SMAGP: variants seen among roughly 807,000 people sequenced by gnomAD.
SMAGP encodes the protein small cell adhesion glycoprotein, also known as small cell transmembrane and glycosylated protein.
Under a neutral mutation model 10.1 loss-of-function variants are expected in SMAGP, and 7 were observed. That is an observed-to-expected ratio of 0.70 (90% CI 0.40 to 1.31). The LOEUF (loss-of-function observed/expected upper bound fraction) is 1.31. Among genes scored for constraint, SMAGP ranks in the 50% most tolerant of loss-of-function variants. The pLI is 0.01. For missense variants in SMAGP, 113 were observed against 116.5 expected (o/e 0.97, Z 0.14); for synonymous variants, 49 against 47.2 (o/e 1.04, Z -0.16).
Position 51,246,704 on chromosome 12 carries a change from T to G in SMAGP, c.115+47A>C. The stretch of plus-strand genomic sequence containing the variant: ...TGGTCAGGCTCCCTCTGGAGAGAGA[T>G]GCCCTTGATCCAGAAGGTCCCTTGG... On this transcript the variant is annotated intron_variant, in intron 3 of 3. Coordinates refer to ENST00000603798, the MANE Select transcript of SMAGP (RefSeq NM_001031628.2). The G allele has an allele frequency of 2.1e-6, 3 of 1,436,746 alleles. No homozygotes were observed. In the South Asian group the frequency reaches 4.2e-5, roughly 20 times the overall value. 89.0% of individuals were successfully genotyped at this position (1,436,746 alleles called of 1,614,324 possible).
chr12:51,248,686 T>A (rs1944808371), intron 2 of SMAGP, among the ~76,000 whole-genome samples: 2 of 152,032 alleles, frequency 1.3e-5, no homozygotes, highest in Admixed American at 1.3e-4. Context: ...AGAGGGAGAA[T>A]TTGGGAAGGG....
intron 1 of SMAGP, 111 bp downstream of exon 1, chr12:51,270,145 G>A (rs1017196451): frequency 1.3e-5 from 2 of 152,216 alleles, no homozygotes; most frequent in Non-Finnish European, 2.9e-5. Flanking sequence ...TGCCCCAGCG[G>A]AGCGCTGAGC....
chr12:51,248,918 A>C (rs986916371), intron 2 of SMAGP, among the ~76,000 whole-genome samples: 3 of 146,682 alleles, frequency 2.0e-5, no homozygotes, highest in Admixed American at 6.7e-5. Context: ...AAAAAAAAAA[A>C]AAAAAAAAAA....
At chr12:51,256,361 G>C (rs956593523) in intron 2 of SMAGP, among the ~76,000 whole-genome samples, 2 of 152,140 alleles carry the variant, frequency 1.3e-5, no homozygotes, top group Non-Finnish European at 2.9e-5. Flanking sequence ...TGAGGCCAGA[G>C]GATCACTTGA....
chr12:51,250,828 G>GATGATGGCAAAA (rs1252636051), intron 2 of SMAGP, among the ~76,000 whole-genome samples: 1 of 152,132 alleles, frequency 6.6e-6, no homozygotes, highest in South Asian at 2.1e-4. Context: ...GCTTTTAACA[G>GATGATGGCAAAA]ATGATGGCAA....
At chr12:51,264,934 G>GAA (rs757470160) in intron 2 of SMAGP, among the ~76,000 whole-genome samples, 22 of 68,194 alleles carry the variant, frequency 3.2e-4, no homozygotes, top group Non-Finnish European at 5.8e-4. Context: ...TCCATCGCCA[G>GAA]AAAAAAAAAA....
intron 2 of SMAGP, among the ~76,000 whole-genome samples, chr12:51,247,981 A>G (rs570054622): frequency 6.6e-6 from 1 of 152,296 alleles, no homozygotes; most frequent in African/African-American, 2.4e-5. Context: ...AAGCAGGGGT[A>G]AGAGTTTACC....
chr12:51,261,092 A>ACT (rs1944928402), intron 2 of SMAGP, among the ~76,000 whole-genome samples: 3 of 110,778 alleles, frequency 2.7e-5, no homozygotes, highest in Non-Finnish European at 5.1e-5. Flanking sequence ...CCCAGCCTTA[A>ACT]TTTTTTTTTT....
intron 3 of SMAGP, 147 bp downstream of exon 3, chr12:51,246,604 C>CTGTGTGTGTGTGTGTGTGTGTGTG (rs59561227): frequency 6.2e-6 from 2 of 324,724 alleles, no homozygotes; most frequent in Non-Finnish European, 1.1e-5. Flanking sequence ...TCTTTTATGG[C>CTGTGTGTGTGTGTGTGTGTGTGTG]TGTGTGTGTG....
Position 51,245,742 on chromosome 12 carries a change from GATAT to G in SMAGP, c.*195_*198del, listed in dbSNP as rs1944759567. 1 of 560,158 alleles carries G rather than the reference GATAT, an allele frequency of 1.8e-6. No individual in the cohort carries two copies. The highest frequency in any genetic ancestry group is 3.1e-5 in the Admixed American group (1 of 32,470). The allele number at this position is 560,158 out of a possible 1,614,324, so 34.7% of individuals were successfully genotyped here. A position where few individuals can be genotyped will look rare whatever the true frequency, so the allele number is the denominator to read the frequency against. On this transcript the variant is annotated 3_prime_UTR_variant, in exon 4 of 4. Transcript: ENST00000603798. ...GCTCTAGTAAGAGGGCCTGGTTAAAGATATCATAAACAGCTTTCTCCATGTCCCT... is the reference window on the plus strand; with the variant it reads ...GCTCTAGTAAGAGGGCCTGGTTAAAGCATAAACAGCTTTCTCCATGTCCCT...
intron 1 of SMAGP, 30 bp from the exon 2 acceptor site, chr12:51,269,346 T>C (rs1945005684): frequency 5.0e-6 from 8 of 1,588,204 alleles, no homozygotes; most frequent in Non-Finnish European, 6.1e-6. Context: ...GACAGGAATG[T>C]AGCGGGTGGG....
chr12:51,251,971 C>T lies in SMAGP; in HGVS notation c.35-5140G>A, dbSNP rs544412187. ...TTCTACAGAATGCCTTGCTGCGATG[C>T]AGCTATTGGTCAGTTTCCACTTATA... On this transcript the variant is annotated intron_variant, in intron 2 of 3. Coordinates refer to ENST00000603798, the MANE Select transcript of SMAGP (RefSeq NM_001031628.2). Among the ~76,000 whole-genome samples the T allele has an allele frequency of 1.2e-4, 18 of 152,278 alleles. 1 individual carries two copies. The highest frequency in any genetic ancestry group is 3.9e-4 in the Admixed American group (6 of 15,298).
intron 2 of SMAGP, among the ~76,000 whole-genome samples, chr12:51,252,876 G>C (rs1944852683): frequency 6.6e-6 from 1 of 152,088 alleles, no homozygotes; most frequent in Non-Finnish European, 1.5e-5. Flanking sequence ...TGGGGACATG[G>C]GGGAAGTGAG....
chr12:51,265,308 G>A (rs1471445927), intron 2 of SMAGP, among the ~76,000 whole-genome samples: 3 of 152,140 alleles, frequency 2.0e-5, no homozygotes, highest in Non-Finnish European at 4.4e-5. Context: ...CCTATATGGT[G>A]GATCCTCAAA....
chr12:51,269,119 T>C (rs1945003322), intron 2 of SMAGP, 126 bp downstream of exon 2: 26 of 1,018,352 alleles, frequency 2.6e-5, no homozygotes, highest in Admixed American at 1.5e-4. Flanking sequence ...CCCAGGCCCT[T>C]CCTGTGTGAG....
In SMAGP at chr12:51,259,271, G is replaced by T. The variant is rs113613990; in HGVS notation, c.34+9974C>A. Among the ~76,000 whole-genome samples the T allele has an allele frequency of 8.2e-3, 1,255 of 152,276 alleles. 8 individuals are homozygous for T. The highest frequency in any genetic ancestry group is 0.029 in the African/African-American group (1,194 of 41,546). On this transcript the variant is annotated intron_variant, in intron 2 of 3. Transcript: ENST00000603798. ...ATGCAGATCCTGCAGACCCAGGGAAGATTCGACAATTTTAAAATTTTTTGT... is the reference window on the plus strand; with the variant it reads ...ATGCAGATCCTGCAGACCCAGGGAATATTCGACAATTTTAAAATTTTTTGT...
chr12:51,246,912 C>T, intron 2 of SMAGP, 81 bp from the exon 3 acceptor site: 2 of 967,104 alleles, frequency 2.1e-6, no homozygotes, highest in Non-Finnish European at 3.0e-6. Flanking sequence ...CAAATTTCAC[C>T]ACCCCACCTT....
chr12:51,253,258 G>A (rs1319705521), intron 2 of SMAGP, among the ~76,000 whole-genome samples: 1 of 152,166 alleles, frequency 6.6e-6, no homozygotes, highest in Non-Finnish European at 1.5e-5. Context: ...AAATTAAACA[G>A]TTAGTTCAAC....
intron 2 of SMAGP, among the ~76,000 whole-genome samples, chr12:51,262,079 T>C (rs571751902): frequency 4.1e-4 from 62 of 151,478 alleles, no homozygotes; most frequent in African/African-American, 1.4e-3. Flanking sequence ...TCTCTCTGTG[T>C]ATTTTTTTTT....
Sources: gnomAD v4.1 joint callset for allele counts (sites outside exome capture counted in the v4.1 genomes callset) on GRCh38, gnomAD v4.1.1 for gene constraint, MANE v1.5 for transcripts, NCBI Gene and HGNC (gene_info 2026-07-23, HGNC 2026-07-21) for gene names.